Variants in JKAMP observed in about 807,000 individuals in gnomAD.
JKAMP encodes JNK1/MAPK8-associated membrane protein.
JKAMP carries 20 observed loss-of-function variants against 40.2 expected under a neutral mutation model. That is an observed-to-expected ratio of 0.50 (90% CI 0.35 to 0.72). The LOEUF is 0.72. JKAMP is among the 30% of genes least tolerant of loss of function. The pLI, the probability that JKAMP is intolerant of heterozygous loss-of-function variation, is 0.01. For synonymous variants in JKAMP, 138 were observed against 131.6 expected (o/e 1.05, Z -0.33); for missense variants, 276 against 373.0 (o/e 0.74, Z 2.14).
Position 59,484,704 on chromosome 14 carries a change from G to C in JKAMP, c.4+111G>C, listed in dbSNP as rs1029116855. On this transcript the variant is annotated intron_variant, in intron 1 of 6. Coordinates refer to ENST00000616435, the MANE Select transcript of JKAMP (RefSeq NM_016475.5). ...AGGCGGCCTTCGGTTGGCGGCGCAGGCTCGCCCCTTGACCCCGCCCGCCCT... is the reference window on the plus strand; with the variant it reads ...AGGCGGCCTTCGGTTGGCGGCGCAGCCTCGCCCCTTGACCCCGCCCGCCCT... 9.6e-6 allele frequency: 13 copies of C among 1,358,024 alleles called. No homozygotes were observed. The East Asian group carries it at 2.8e-4, about 29-fold the overall frequency. 84.1% of individuals were successfully genotyped at this position (1,358,024 alleles called of 1,614,324 possible).
At chr14:59,488,816 C>G (rs780598477) in intron 3 of JKAMP, among the ~76,000 whole-genome samples, 4 of 152,192 alleles carry the variant, frequency 2.6e-5, no homozygotes, top group Non-Finnish European at 5.9e-5. Flanking sequence ...AACTTGTTAC[C>G]TAGCTACCTT....
At chr14:59,496,714 C>T (rs1891479068) in intron 4 of JKAMP, among the ~76,000 whole-genome samples, 2 of 152,320 alleles carry the variant, frequency 1.3e-5, no homozygotes, top group East Asian at 3.9e-4. Flanking sequence ...CATCACACAG[C>T]TTCATTGATT....
At chr14:59,487,893 C>A in intron 3 of JKAMP, 65 bp downstream of exon 3, 1 of 1,390,920 alleles carries the variant, frequency 7.2e-7, no homozygotes, top group South Asian at 1.2e-5. Context: ...CTCAGAAGAC[C>A]TTATTAAGTA....
chr14:59,487,775 G>T lies in JKAMP; in HGVS notation c.198G>T (p.Met66Ile), dbSNP rs758383680. Residue 66 changes from methionine (M) to isoleucine (I), a missense_variant, in exon 3 of 7, where the codon ATG becomes ATT. Met to Ile is a conservative substitution (Grantham distance 10). Coordinates refer to ENST00000616435, the MANE Select transcript of JKAMP (RefSeq NM_016475.5). The part of the protein sequence containing the change: ...YDWLYLGFMA[M>I]LPLVLHWFFI... Reference sequence around the variant, plus strand: ...GGCTCTATCTTGGATTTATGGCAATGCTTCCTCTGGTTTTACATTGGTTCT... The same window carrying T: ...GGCTCTATCTTGGATTTATGGCAATTCTTCCTCTGGTTTTACATTGGTTCT... 16 of 1,613,542 alleles carry T rather than the reference G, an allele frequency of 9.9e-6. No individual in the cohort carries two copies. The South Asian group carries it at 1.6e-4, about 17-fold the overall frequency.
chr14:59,496,995 A>T (rs1891499188), intron 4 of JKAMP, among the ~76,000 whole-genome samples: 1 of 147,428 alleles, frequency 6.8e-6, no homozygotes, highest in South Asian at 2.1e-4. Flanking sequence ...AAGTCATAGT[A>T]ATTTTTTTTT....
chr14:59,488,694 C>T (rs1890765429), intron 3 of JKAMP, among the ~76,000 whole-genome samples: 1 of 152,166 alleles, frequency 6.6e-6, no homozygotes, highest in African/African-American at 2.4e-5. Flanking sequence ...CAAATTCTGC[C>T]TTACTGATTT....
chr14:59,493,542 A>T (rs1016935854), intron 3 of JKAMP, among the ~76,000 whole-genome samples: 4 of 152,260 alleles, frequency 2.6e-5, no homozygotes, highest in African/African-American at 9.6e-5. Flanking sequence ...TAATGGAAAC[A>T]GTGTTCAAGT....
chr14:59,499,013 T>A (rs1891656647), intron 5 of JKAMP, 105 bp downstream of exon 5: 2 of 292,504 alleles, frequency 6.8e-6, no homozygotes, highest in African/African-American at 2.5e-5. Flanking sequence ...GTTTGTTTAA[T>A]CCTTTTTTTT....
chr14:59,488,582 T>G (rs914028664), intron 3 of JKAMP, among the ~76,000 whole-genome samples: 7 of 152,058 alleles, frequency 4.6e-5, no homozygotes, highest in Admixed American at 2.0e-4. Flanking sequence ...GGGTTGCAAA[T>G]GAAGAAAAGT....
intron 1 of JKAMP, among the ~76,000 whole-genome samples, chr14:59,486,134 T>C (rs1425559634): frequency 1.3e-5 from 2 of 152,208 alleles, no homozygotes; most frequent in African/African-American, 2.4e-5. Context: ...AGTGACAGCC[T>C]TGATGAAATT....
chr14:59,494,915 C>A, intron 3 of JKAMP, 103 bp from the exon 4 acceptor site: 2 of 807,378 alleles, frequency 2.5e-6, no homozygotes, highest in Non-Finnish European at 2.0e-6. Flanking sequence ...TTTGACTTTT[C>A]TTATAGATTT....
chr14:59,484,680 G>C, intron 1 of JKAMP, 87 bp downstream of exon 1: 1 of 1,481,938 alleles, frequency 6.7e-7, no homozygotes, highest in Non-Finnish European at 9.2e-7. Context: ...GCTCTTTGTA[G>C]GCGGCCTTCG....
At chr14:59,503,394 C>T (rs1333776342) in intron 6 of JKAMP, among the ~76,000 whole-genome samples, 12 of 152,128 alleles carry the variant, frequency 7.9e-5, no homozygotes, top group Admixed American at 7.9e-4. Context: ...GTCATTTCTG[C>T]CCCCTTACTA....
intron 1 of JKAMP, chr14:59,484,968 A>G: frequency 6.5e-7 from 1 of 1,545,760 alleles, no homozygotes; most frequent in Non-Finnish European, 8.6e-7. Flanking sequence ...TAATTTGTCT[A>G]CTGCTTCAAC....
At position 59,484,549 on chromosome 14, in the gene JKAMP, C is replaced by T. The variant is rs765748835; in HGVS notation, c.-41C>T. 1.1e-4 allele frequency: 165 copies of T among 1,564,596 alleles called. No individual in the cohort carries two copies. The highest frequency in any genetic ancestry group is 1.3e-4 in the Non-Finnish European group (148 of 1,154,680). ...GGATGTTCGGTGCAGCTGCCAGATC[C>T]GCTGATCTAGTGCTTCTCGAAAAAA... On this transcript the variant is annotated 5_prime_UTR_variant, in exon 1 of 7. Coordinates refer to ENST00000616435, the MANE Select transcript of JKAMP (RefSeq NM_016475.5).
chr14:59,496,551 C>G (rs1891465465), intron 4 of JKAMP, among the ~76,000 whole-genome samples: 1 of 152,078 alleles, frequency 6.6e-6, no homozygotes, highest in Admixed American at 6.6e-5. Context: ...GTAGGAGGGT[C>G]AGAAAATATA....
In JKAMP at chr14:59,502,773, T is replaced by TTTTTTTTTTTTG. The variant is rs796697193; in HGVS notation, c.718-1081_718-1080insTTTTTTTTTTTG. On this transcript the variant is annotated intron_variant, in intron 6 of 6. Transcript: ENST00000616435. ...AGATTTTTTTTTTTTTTTTTTTTTTTCGGAGTCTCACTCTGTCGCTTAGGC... is the reference window on the plus strand; with the variant it reads ...AGATTTTTTTTTTTTTTTTTTTTTTTTTTTTTTTTTTGCGGAGTCTCACTCTGTCGCTTAGGC... Among the ~76,000 whole-genome samples the TTTTTTTTTTTTG allele has an allele frequency of 8.3e-4, 85 of 102,832 alleles. 4 individuals are homozygous for TTTTTTTTTTTTG. The highest frequency in any genetic ancestry group is 1.3e-3 in the African/African-American group (34 of 25,792). The allele number at this position is 102,832 out of a possible 152,430, so 67.5% of individuals were successfully genotyped here.
chr14:59,496,768 T>C (rs1162782119), intron 4 of JKAMP, among the ~76,000 whole-genome samples: 1 of 152,236 alleles, frequency 6.6e-6, no homozygotes, highest in Non-Finnish European at 1.5e-5. Flanking sequence ...CAAGATTGTT[T>C]GTTTTTCTTC....
chr14:59,487,613 G>C, intron 2 of JKAMP, 61 bp from the exon 3 acceptor site: 1 of 1,235,856 alleles, frequency 8.1e-7, no homozygotes, highest in Non-Finnish European at 1.2e-6. Context: ...GAATGATTTG[G>C]GGGGGTGTTA....
Sources: allele counts gnomAD v4.1 joint callset (sites outside exome capture counted in the v4.1 genomes callset), GRCh38; gene constraint gnomAD v4.1.1; transcripts MANE v1.5; gene names NCBI Gene and HGNC (gene_info 2026-07-23, HGNC 2026-07-21).